Variants in PCDHA10 observed in about 807,000 individuals in gnomAD.
PCDHA10 encodes protocadherin alpha-10.
In PCDHA10, 45 loss-of-function variants were observed where a neutral mutation model predicts 61.2. That is an observed-to-expected ratio of 0.74 (90% confidence interval 0.58 to 0.94). The LOEUF is 0.94. Among genes scored for constraint, PCDHA10 ranks in the 40% least tolerant of loss-of-function variants. The pLI is 0.00. For synonymous variants in PCDHA10, 602 were observed against 548.8 expected, an observed-to-expected ratio of 1.10 and a Z score of -1.35; for missense variants, 1,278 against 1,236.2, an observed-to-expected ratio of 1.03 and a Z score of -0.51.
At chr5:140,941,523 A>T (rs1351933430) in intron 1 of PCDHA10, among the ~76,000 whole-genome samples, 1 of 151,186 alleles carries the variant, frequency 6.6e-6, no homozygotes, top group Non-Finnish European at 1.5e-5. Flanking sequence ...CACCATCTTG[A>T]CCAGGCTGGT....
At chr5:140,946,202 A>T (rs2093901656) in intron 1 of PCDHA10, among the ~76,000 whole-genome samples, 1 of 152,118 alleles carries the variant, frequency 6.6e-6, no homozygotes, top group Non-Finnish European at 1.5e-5. Context: ...AAAAGAAAGC[A>T]CACAAATGAC....
intron 1 of PCDHA10, chr5:140,876,345 T>C (rs2056299947): frequency 6.2e-7 from 1 of 1,614,024 alleles, no homozygotes; most frequent in Non-Finnish European, 8.5e-7. Context: ...GTGAGAAATG[T>C]ATGTTTTCAA....
At chr5:140,886,555 C>T (rs1441725788) in intron 1 of PCDHA10, among the ~76,000 whole-genome samples, 3 of 151,830 alleles carry the variant, frequency 2.0e-5, no homozygotes, top group Non-Finnish European at 4.4e-5. Context: ...CAGCTGGGCA[C>T]GGTGGCTCAC....
intron 1 of PCDHA10, among the ~76,000 whole-genome samples, chr5:140,978,254 A>T (rs2096794173): frequency 6.6e-6 from 1 of 152,228 alleles, no homozygotes; most frequent in Non-Finnish European, 1.5e-5. Context: ...TCCCTGTTAA[A>T]CAATCAGAGC....
intron 1 of PCDHA10, chr5:140,969,386 C>T (rs782109093): frequency 2.5e-6 from 4 of 1,596,966 alleles, no homozygotes; most frequent in South Asian, 1.1e-5. Flanking sequence ...TACACATCCC[C>T]CAATATCCTG....
chr5:140,882,126 T>C, intron 1 of PCDHA10: 1 of 1,466,718 alleles, frequency 6.8e-7, no homozygotes, highest in East Asian at 2.3e-5. Flanking sequence ...GTTTCTTTCT[T>C]CCTGCAGAAA....
At chr5:140,951,395 G>A (rs1036290024) in intron 1 of PCDHA10, among the ~76,000 whole-genome samples, 1 of 152,030 alleles carries the variant, frequency 6.6e-6, no homozygotes, top group African/African-American at 2.4e-5. Flanking sequence ...AATTTATAAA[G>A]AAAAGAGGTT....
chr5:140,859,686 T>C (rs2045967077), intron 1 of PCDHA10: 1 of 154,726 alleles, frequency 6.5e-6, no homozygotes, highest in African/African-American at 2.4e-5. Context: ...AAAATTAAAA[T>C]TATTGTTCAA....
intron 1 of PCDHA10, chr5:140,967,282 G>A (rs1463734502): frequency 1.1e-5 from 17 of 1,612,960 alleles, no homozygotes; most frequent in Non-Finnish European, 1.4e-5. Context: ...TAGAGAGTGC[G>A]CAGGACCCCG....
Position 140,857,539 on chromosome 5 carries a change from G to A in PCDHA10, c.1491G>A (p.Arg497=), listed in dbSNP as rs782469087. The A allele has an allele frequency of 1.3e-5, 20 of 1,597,384 alleles. 1 individual carries two copies. Among genetic ancestry groups the A allele is most frequent in the Non-Finnish European group, 1.7e-5 (20 of 1,167,720 alleles). ...TGTCCTACTCTCTGGTGGAGCGGCG[G>A]TTGGGCGAGCGCTCGCTGTCGAGCT... ...ALVSYSLVER[R]LGERSLSSYV... The change falls in exon 1 of 4, where the codon CGG becomes CGA. Residue 497 remains arginine, a synonymous_variant. Coordinates refer to ENST00000307360, the MANE Select transcript of PCDHA10 (RefSeq NM_018901.4).
intron 2 of PCDHA10, chr5:140,982,223 TA>T: frequency 5.2e-6 from 3 of 580,212 alleles, no homozygotes; most frequent in East Asian, 4.0e-5. Context: ...ATGGCGTTAA[TA>T]AAAAACAGAA....
intron 1 of PCDHA10, among the ~76,000 whole-genome samples, chr5:140,923,645 C>T (rs939799750): frequency 1.1e-4 from 17 of 152,126 alleles, no homozygotes; most frequent in African/African-American, 4.1e-4. Context: ...AATCTTTAGC[C>T]TCCCTTATCT....
chr5:141,001,693 G>A (rs1554258280), intron 3 of PCDHA10, among the ~76,000 whole-genome samples: 1 of 152,122 alleles, frequency 6.6e-6, no homozygotes, highest in Admixed American at 6.5e-5. Context: ...CCCACAGATG[G>A]CGAAATAGGG....
rs781989346 is a variant in PCDHA10 at position 140,869,537 on chromosome 5, C to CT, written c.2388+11102dup. 1.6e-5 allele frequency: 26 copies of CT among 1,614,202 alleles called. 1 individual carries two copies. The highest frequency in any genetic ancestry group is 1.9e-5 in the Non-Finnish European group (23 of 1,180,050). ...GAACAAAAGCTGCTGATTGCGGAAT[C>CT]TAAGCAATCGGACTCGCGTTTTCCA... On this transcript the variant is annotated intron_variant, in intron 1 of 3. Coordinates refer to ENST00000307360, the MANE Select transcript of PCDHA10 (RefSeq NM_018901.4).
At chr5:140,998,903 G>A (rs1465203456) in intron 3 of PCDHA10, among the ~76,000 whole-genome samples, 9 of 152,156 alleles carry the variant, frequency 5.9e-5, no homozygotes, top group African/African-American at 1.7e-4. Flanking sequence ...CAATGCCTCC[G>A]GGAGGTAGCT....
At chr5:140,976,724 T>C (rs372662527) in intron 1 of PCDHA10, among the ~76,000 whole-genome samples, 6 of 152,202 alleles carry the variant, frequency 3.9e-5, no homozygotes, top group African/African-American at 1.4e-4. Flanking sequence ...AGTTCATTTA[T>C]TTAAACACAT....
At chr5:140,972,001 A>G (rs2096512667) in intron 1 of PCDHA10, among the ~76,000 whole-genome samples, 1 of 152,202 alleles carries the variant, frequency 6.6e-6, no homozygotes, top group African/African-American at 2.4e-5. Context: ...CAATGTTTAT[A>G]TTCCCTTTTA....
chr5:140,960,316 G>A (rs1360755627), intron 1 of PCDHA10, among the ~76,000 whole-genome samples: 1 of 152,066 alleles, frequency 6.6e-6, no homozygotes, highest in African/African-American at 2.4e-5. Flanking sequence ...ACCTCATTAG[G>A]GTCCTGTGAG....
intron 1 of PCDHA10, chr5:140,869,751 C>T (rs1562632987): frequency 1.2e-6 from 2 of 1,613,134 alleles, no homozygotes; most frequent in Non-Finnish European, 1.7e-6. Context: ...CAGCTACAGA[C>T]GGGGGAAAAC....
Sources: allele counts gnomAD v4.1 joint callset (sites outside exome capture counted in the v4.1 genomes callset), GRCh38; gene constraint gnomAD v4.1.1; transcripts MANE v1.5; gene names NCBI Gene and HGNC (gene_info 2026-07-23, HGNC 2026-07-21).